The following SPON1 variants were observed in gnomAD, a reference collection of about 807,000 sequenced individuals.
SPON1 encodes spondin 1.
In SPON1, 52 loss-of-function variants were observed where a neutral mutation model predicts 111.7. That is an observed-to-expected ratio of 0.47 (90% CI 0.37 to 0.59). The LOEUF is 0.59. Among genes scored for constraint, SPON1 ranks in the 20% least tolerant of loss-of-function variants. The pLI is 0.00. For synonymous variants in SPON1, 410 were observed against 395.8 expected (o/e 1.04, Z -0.43); for missense variants, 957 against 1,068.5 (o/e 0.90, Z 1.46).
At chr11:14,161,273 A>G (rs1358858059) in intron 6 of SPON1, among the ~76,000 whole-genome samples, 1 of 97,900 alleles carries the variant, frequency 1.0e-5, no homozygotes, top group Non-Finnish European at 2.1e-5. Context: ...ATATATCTGT[A>G]TATCTATATA....
chr11:14,218,125 G>A (rs1263360133), intron 6 of SPON1, among the ~76,000 whole-genome samples: 7 of 152,182 alleles, frequency 4.6e-5, no homozygotes, highest in Admixed American at 1.3e-4. Flanking sequence ...AATTTGTGCT[G>A]AAACAAATAT....
chr11:13,975,738 A>G (rs1030398487), intron 1 of SPON1, among the ~76,000 whole-genome samples: 1 of 152,172 alleles, frequency 6.6e-6, no homozygotes, highest in African/African-American at 2.4e-5. Context: ...CCCAAAGCCA[A>G]TTCTCTCCAT....
intron 5 of SPON1, among the ~76,000 whole-genome samples, chr11:14,131,437 G>A (rs575051604): frequency 6.6e-6 from 1 of 152,200 alleles, no homozygotes; most frequent in Middle Eastern, 3.4e-3. Flanking sequence ...TCCCTGCTCC[G>A]ACTAGCCTGC....
intron 5 of SPON1, among the ~76,000 whole-genome samples, chr11:14,111,572 A>G (rs1048749546): frequency 6.6e-6 from 1 of 152,252 alleles, no homozygotes; most frequent in Non-Finnish European, 1.5e-5. Context: ...GCTGAAGCTA[A>G]CAGCATTTAT....
At chr11:14,001,387 C>A (rs1554912424) in intron 2 of SPON1, among the ~76,000 whole-genome samples, 1 of 152,126 alleles carries the variant, frequency 6.6e-6, no homozygotes, top group Non-Finnish European at 1.5e-5. Flanking sequence ...GGAAAAAGAA[C>A]CTTTTTGAAA....
chr11:14,035,039 A>G (rs1554916470), intron 2 of SPON1, among the ~76,000 whole-genome samples: 1 of 152,254 alleles, frequency 6.6e-6, no homozygotes, highest in East Asian at 1.9e-4. Flanking sequence ...AAAGCTGCAG[A>G]AGAGAGTCTA....
At chr11:14,170,462 C>T (rs1420957224) in intron 6 of SPON1, among the ~76,000 whole-genome samples, 1 of 152,148 alleles carries the variant, frequency 6.6e-6, no homozygotes, top group Non-Finnish European at 1.5e-5. Flanking sequence ...TTGACTTCCT[C>T]TTTTCCTAAT....
intron 6 of SPON1, among the ~76,000 whole-genome samples, chr11:14,226,741 T>C (rs923210176): frequency 2.6e-5 from 4 of 152,188 alleles, no homozygotes; most frequent in Non-Finnish European, 5.9e-5. Flanking sequence ...CCCACAAATC[T>C]GGTGCCTTGG....
At chr11:13,985,914 A>G (rs1237499635) in intron 2 of SPON1, among the ~76,000 whole-genome samples, 1 of 152,072 alleles carries the variant, frequency 6.6e-6, no homozygotes, top group African/African-American at 2.4e-5. Context: ...GATTTGGGGG[A>G]AGGAATCATA....
intron 2 of SPON1, among the ~76,000 whole-genome samples, chr11:14,009,124 T>A (rs1255255441): frequency 6.6e-6 from 1 of 152,352 alleles, no homozygotes; most frequent in Admixed American, 6.5e-5. Flanking sequence ...GTTCCATTCA[T>A]GTGTTCCCTG....
intron 6 of SPON1, among the ~76,000 whole-genome samples, chr11:14,226,839 T>C (rs894768306): frequency 2.0e-5 from 3 of 152,222 alleles, no homozygotes; most frequent in African/African-American, 7.2e-5. Context: ...CAAGCAGCGC[T>C]GGTTCCTTCG....
chr11:14,094,226 A>G (rs1849081688), intron 5 of SPON1, among the ~76,000 whole-genome samples: 1 of 151,116 alleles, frequency 6.6e-6, no homozygotes. Context: ...AAAAAAAAAA[A>G]GCCACACAAC....
chr11:14,073,682 CT>C (rs1401246588), intron 3 of SPON1, among the ~76,000 whole-genome samples: 3 of 152,204 alleles, frequency 2.0e-5, no homozygotes, highest in Non-Finnish European at 2.9e-5. Context: ...TCCTTGTAAA[CT>C]TTAATCAAGG....
At chr11:14,133,930 C>A (rs561323566) in intron 5 of SPON1, among the ~76,000 whole-genome samples, 2 of 152,148 alleles carry the variant, frequency 1.3e-5, no homozygotes, top group Non-Finnish European at 2.9e-5. Flanking sequence ...CAGGAAGGTG[C>A]GGCCTGGCTT....
chr11:14,127,629 A>G (rs1177656096), intron 5 of SPON1, among the ~76,000 whole-genome samples: 1 of 152,240 alleles, frequency 6.6e-6, no homozygotes, highest in Non-Finnish European at 1.5e-5. Flanking sequence ...TTTTTGGGTT[A>G]ACTGAATGAG....
At chr11:14,160,802 T>A (rs1331186324) in intron 6 of SPON1, among the ~76,000 whole-genome samples, 2 of 48,082 alleles carry the variant, frequency 4.2e-5, no homozygotes, top group African/African-American at 1.6e-4. Context: ...TTATATATTT[T>A]TATATATATT....
chr11:14,193,848 C>G (rs2133893262), intron 6 of SPON1, among the ~76,000 whole-genome samples: 1 of 152,342 alleles, frequency 6.6e-6, no homozygotes, highest in African/African-American at 2.4e-5. Flanking sequence ...ATCACACAGC[C>G]ATTACAGAGG....
intron 6 of SPON1, among the ~76,000 whole-genome samples, chr11:14,182,236 A>T (rs548310962): frequency 6.6e-6 from 1 of 152,268 alleles, no homozygotes; most frequent in East Asian, 1.9e-4. Flanking sequence ...TTCACCTCCA[A>T]GTCCACTCAT....
chr11:13,964,545 C>A (rs988403581), intron 1 of SPON1, among the ~76,000 whole-genome samples: 1 of 152,226 alleles, frequency 6.6e-6, no homozygotes, highest in Non-Finnish European at 1.5e-5. Context: ...CCCGGAGCTA[C>A]CCAAAGCCGG....
Sources: allele counts gnomAD v4.1 joint callset (sites outside exome capture counted in the v4.1 genomes callset), GRCh38; gene constraint gnomAD v4.1.1; transcripts MANE v1.5; gene names NCBI Gene and HGNC (gene_info 2026-07-23, HGNC 2026-07-21).